The following DNPEP variants were observed in gnomAD, a reference collection of about 807,000 sequenced individuals.
DNPEP encodes the protein aspartyl aminopeptidase.
DNPEP carries 46 observed loss-of-function variants against 59.1 expected under a neutral mutation model. That is an observed-to-expected ratio of 0.78 (90% CI 0.61 to 0.99). The LOEUF is 0.99. Ranked by LOEUF, DNPEP falls within the 50% of genes least tolerant of loss-of-function variation. The probability of loss-of-function intolerance (pLI) is 0.00; values close to 1 mark genes in which losing one functional copy is unlikely to be tolerated. For missense variants in DNPEP, 617 were observed against 649.9 expected (o/e 0.95, Z 0.55); for synonymous variants, 229 against 242.2 (o/e 0.95, Z 0.50).
chr2:219,387,934 C>A, upstream of DNPEP: 1 of 1,362,332 alleles, frequency 7.3e-7, no homozygotes, highest in Non-Finnish European at 9.4e-7. Flanking sequence ...CGCCCCGCCC[C>A]ATGTTTGGCC....
At chr2:219,388,776 A>G (rs1447964225), upstream of DNPEP, 41 of 985,410 alleles carry the variant, frequency 4.2e-5, no homozygotes, top group Admixed American at 6.1e-5. Flanking sequence ...CAATAAGGCT[A>G]ATGTCCATGG....
upstream of DNPEP, among the ~76,000 whole-genome samples, chr2:219,390,361 A>AT (rs1201391383): frequency 6.6e-6 from 1 of 152,258 alleles, no homozygotes. Context: ...GGGTAGCCTA[A>AT]TTTAAAAAAC....
At chr2:219,381,149 C>G (rs745830045) in intron 13 of DNPEP, among the ~76,000 whole-genome samples, 186 bp downstream of exon 13, 11 of 152,252 alleles carry the variant, frequency 7.2e-5, no homozygotes, top group Non-Finnish European at 1.3e-4. Flanking sequence ...CAAGGTCACA[C>G]AGCTAGCACT....
intron 1 of DNPEP, among the ~76,000 whole-genome samples, chr2:219,394,057 C>A (rs1327980514): frequency 6.6e-6 from 1 of 152,096 alleles, no homozygotes; most frequent in Non-Finnish European, 1.5e-5. Flanking sequence ...CTCCCTTAAC[C>A]CCCAGTCTCC....
At chr2:219,394,230 T>G (rs371878201) in intron 1 of DNPEP, among the ~76,000 whole-genome samples, 1 of 152,066 alleles carries the variant, frequency 6.6e-6, no homozygotes, top group Non-Finnish European at 1.5e-5. Flanking sequence ...CTTGTCAAGG[T>G]CAAAAGCAAC....
At chr2:219,387,273 C>G in intron 1 of DNPEP, 110 bp from the exon 2 acceptor site, 2 of 1,471,140 alleles carry the variant, frequency 1.4e-6, no homozygotes, top group Non-Finnish European at 1.8e-6. Flanking sequence ...CTCTAAGGCA[C>G]AGACCTCTGC....
upstream of DNPEP, among the ~76,000 whole-genome samples, chr2:219,389,889 G>A (rs545773744): frequency 6.2e-4 from 71 of 114,856 alleles, no homozygotes; most frequent in Non-Finnish European, 1.1e-3. Flanking sequence ...GACATGGAGA[G>A]AGCATTCTTG....
At chr2:219,384,476 A>G in intron 8 of DNPEP, 33 bp from the exon 9 acceptor site, 2 of 1,566,846 alleles carry the variant, frequency 1.3e-6, no homozygotes, top group Non-Finnish European at 1.7e-6. Context: ...CCGACCTTCA[A>G]CCCTCCACCC....
chr2:219,388,079 CCCTAGCTTGGCCGCA>C, upstream of DNPEP: 1 of 461,690 alleles, frequency 2.2e-6, no homozygotes, highest in Non-Finnish European at 3.2e-6. Flanking sequence ...CTTGCCCCGC[CCCTAGCTTGGCCGCA>C]CCGCCCGCCC....
chr2:219,387,465 G>A, intron 1 of DNPEP: 1 of 1,431,970 alleles, frequency 7.0e-7, no homozygotes, highest in South Asian at 1.5e-5. Flanking sequence ...CAAACTCCGG[G>A]ATCCCAAGCG....
At chr2:219,387,423 C>T in intron 1 of DNPEP, 1 of 1,434,204 alleles carries the variant, frequency 7.0e-7, no homozygotes, top group Non-Finnish European at 9.2e-7. Context: ...GCCCCCATGT[C>T]CCTGCCCAGC....
intron 13 of DNPEP, among the ~76,000 whole-genome samples, chr2:219,379,272 G>A (rs958968248): frequency 1.3e-5 from 2 of 151,818 alleles, no homozygotes; most frequent in Non-Finnish European, 2.9e-5. Context: ...AAAGTTAACT[G>A]TAAAACAGCC....
intron 13 of DNPEP, among the ~76,000 whole-genome samples, chr2:219,375,294 G>C (rs898300374): frequency 6.6e-6 from 1 of 151,990 alleles, no homozygotes; most frequent in African/African-American, 2.4e-5. Flanking sequence ...TCACCCTCTT[G>C]CTTAATATCC....
At chr2:219,392,715 G>C (rs1266690389), upstream of DNPEP, among the ~76,000 whole-genome samples, 1 of 152,050 alleles carries the variant, frequency 6.6e-6, no homozygotes, top group African/African-American at 2.4e-5. Flanking sequence ...TCACCATGTT[G>C]GCCAGGCTGG....
At chr2:219,380,202 C>CTTTTTTTTTTTTTTT (rs71040453) in intron 13 of DNPEP, among the ~76,000 whole-genome samples, 2 of 129,190 alleles carry the variant, frequency 1.5e-5, no homozygotes, top group East Asian at 2.3e-4. Flanking sequence ...TTTTTCTTTT[C>CTTTTTTTTTTTTTTT]TTTTTTTTTT....
chr2:219,379,139 ACTC>A (rs1169335502), intron 13 of DNPEP, among the ~76,000 whole-genome samples: 2 of 150,758 alleles, frequency 1.3e-5, no homozygotes, highest in Non-Finnish European at 3.0e-5. Context: ...CTGGTTTTGA[ACTC>A]CTGACCTCAA....
chr2:219,397,082 G>C (rs1954109858), intron 1 of DNPEP, among the ~76,000 whole-genome samples: 1 of 152,168 alleles, frequency 6.6e-6, no homozygotes, highest in African/African-American at 2.4e-5. Flanking sequence ...TGTATAGTTA[G>C]TGACAGTATA....
At position 219,373,250 on chromosome 2, in the gene DNPEP, C is replaced by T. The variant is rs7587160; in HGVS notation, c.*1042G>A. Among the ~76,000 whole-genome samples the T allele has an allele frequency of 0.85, 129,307 of 151,850 alleles. 55,220 individuals carry two copies. Among genetic ancestry groups the T allele is most frequent in the Non-Finnish European group, 0.88 (59,989 of 67,972 alleles). Reference sequence around the variant, plus strand: ...CGCCCGGCTAATTTTGTATTTTTAGCAGGGACAGGGTTTCTCCATGTTGGT... The same window carrying T: ...CGCCCGGCTAATTTTGTATTTTTAGTAGGGACAGGGTTTCTCCATGTTGGT... On this transcript the variant is annotated 3_prime_UTR_variant, in exon 15 of 15. Coordinates refer to ENST00000273075, the MANE Select transcript of DNPEP (RefSeq NM_012100.4).
At position 219,372,763 on chromosome 2, in the gene DNPEP, C is replaced by A. The variant is rs554811432; in HGVS notation, c.*1529G>T. ...TTTGTAATCTCTTCATGTTAGTACACACACTATACAATTTATCTTTTTCTC... is the reference window on the plus strand; with the variant it reads ...TTTGTAATCTCTTCATGTTAGTACAAACACTATACAATTTATCTTTTTCTC... On this transcript the variant is annotated 3_prime_UTR_variant, in exon 15 of 15. Coordinates refer to ENST00000273075, the MANE Select transcript of DNPEP (RefSeq NM_012100.4). Among the ~76,000 whole-genome samples the A allele has an allele frequency of 6.6e-6, 1 of 152,334 alleles. No individual in the cohort carries two copies. Among genetic ancestry groups the A allele is most frequent in the Admixed American group, 6.5e-5 (1 of 15,296 alleles).
Sources: allele counts gnomAD v4.1 joint callset (sites outside exome capture counted in the v4.1 genomes callset), GRCh38; gene constraint gnomAD v4.1.1; transcripts MANE v1.5; gene names NCBI Gene and HGNC (gene_info 2026-07-23, HGNC 2026-07-21).